Variants in RILPL1 observed in about 807,000 individuals in gnomAD.
RILPL1 encodes the protein Rab interacting lysosomal protein like 1.
A neutral mutation model predicts 50.3 loss-of-function variants in RILPL1; 33 were observed. The observed-to-expected ratio is 0.66, with a 90% CI of 0.50 to 0.88. The LOEUF is 0.88. RILPL1 is among the 40% of genes least tolerant of loss of function. The pLI is 0.00. For synonymous variants in RILPL1, 205 were observed against 228.6 expected (o/e 0.90, Z 0.93); for missense variants, 418 against 542.5 (o/e 0.77, Z 2.28).
At chr12:123,478,762 G>C (rs765838419) in intron 6 of RILPL1, among the ~76,000 whole-genome samples, 1 of 151,764 alleles carries the variant, frequency 6.6e-6, no homozygotes, top group Non-Finnish European at 1.5e-5. Context: ...CCTAGCCCCC[G>C]CCCTGCAAAA....
At chr12:123,488,499 G>A (rs1471268429) in intron 4 of RILPL1, among the ~76,000 whole-genome samples, 3 of 152,040 alleles carry the variant, frequency 2.0e-5, no homozygotes, top group Non-Finnish European at 2.9e-5. Context: ...GCAGCACAGG[G>A]AGAAGGGGAC....
chr12:123,499,995 G>C (rs1403366365), intron 2 of RILPL1, among the ~76,000 whole-genome samples: 3 of 149,644 alleles, frequency 2.0e-5, no homozygotes, highest in African/African-American at 7.4e-5. Context: ...GCAGTGGCGC[G>C]ATCTCGGCTC....
At chr12:123,482,407 G>A (rs1187249113) in intron 6 of RILPL1, among the ~76,000 whole-genome samples, 1 of 152,036 alleles carries the variant, frequency 6.6e-6, no homozygotes, top group Non-Finnish European at 1.5e-5. Flanking sequence ...AGGGAGTCGT[G>A]CACCAGCCTG....
chr12:123,524,373 C>CT (rs1885175054), intron 1 of RILPL1, among the ~76,000 whole-genome samples: 1 of 152,218 alleles, frequency 6.6e-6, no homozygotes, highest in Admixed American at 6.5e-5. Flanking sequence ...GGAAAACACT[C>CT]TGGCAGTTTC....
At chr12:123,488,461 A>G (rs559210284) in intron 4 of RILPL1, among the ~76,000 whole-genome samples, 286 of 151,616 alleles carry the variant, frequency 1.9e-3, no homozygotes, top group African/African-American at 6.0e-3. Flanking sequence ...AAAAAAAAAA[A>G]AAGAAGAAGA....
intron 4 of RILPL1, among the ~76,000 whole-genome samples, chr12:123,493,973 G>A (rs190975928): frequency 1.3e-5 from 2 of 151,868 alleles, no homozygotes; most frequent in South Asian, 2.1e-4. Context: ...TAGTAGAGAC[G>A]GGGGTTTCAT....
At chr12:123,476,117 C>T (rs552019228) in intron 6 of RILPL1, 1 of 167,368 alleles carries the variant, frequency 6.0e-6, no homozygotes, top group South Asian at 9.9e-5. Flanking sequence ...GTTGGCCAGG[C>T]TGGTCTTGAA....
At chr12:123,514,191 G>T (rs913832536) in intron 2 of RILPL1, 1 of 152,172 alleles carries the variant, frequency 6.6e-6, no homozygotes, top group Non-Finnish European at 1.5e-5. Flanking sequence ...ATGACGTGGG[G>T]TCTAAGATCA....
chr12:123,495,085 G>A (rs1314976169), intron 4 of RILPL1, among the ~76,000 whole-genome samples: 2 of 152,184 alleles, frequency 1.3e-5, no homozygotes, highest in Non-Finnish European at 2.9e-5. Context: ...TCTGGCCACA[G>A]TAGTTGTTTC....
In RILPL1 at chr12:123,498,419, T is replaced by C; in HGVS notation, c.801+125A>G. On this transcript the variant is annotated intron_variant, in intron 4 of 6. Coordinates refer to ENST00000376874, the MANE Select transcript of RILPL1 (RefSeq NM_178314.5). This position sits in a 1 kb window ranked among gnomAD's most constrained non-coding sequence, Gnocchi z 4.3. ...AAATGTTTGTAGAGAATTGGGGTCT[T>C]GCTATGTTGCCCAGGTTGGCCATTT... The C allele has an allele frequency of 1.3e-6, 1 of 773,938 alleles. No homozygotes were observed. Among genetic ancestry groups the C allele is most frequent in the Middle Eastern group, 3.6e-4 (1 of 2,768 alleles). The allele number at this position is 773,938 out of a possible 1,614,324, so 47.9% of individuals were successfully genotyped here. A position where few individuals can be genotyped will look rare whatever the true frequency, so the allele number is the denominator to read the frequency against.
rs1047757534 is a variant in RILPL1, at chr12:123,491,515, C to T, written c.802-5710G>A. Among the ~76,000 whole-genome samples, 4 of 152,182 alleles carry T rather than the reference C, an allele frequency of 2.6e-5. No homozygotes were observed. The highest frequency in any genetic ancestry group is 2.9e-5 in the Non-Finnish European group (2 of 68,016). Reference sequence around the variant, plus strand: ...TGCCTCAAAGCACCCTGCCCTCCCACGGCAGCCCCTTCACAGTACTTCTCA... The same window carrying T: ...TGCCTCAAAGCACCCTGCCCTCCCATGGCAGCCCCTTCACAGTACTTCTCA... On this transcript the variant is annotated intron_variant, in intron 4 of 6. Coordinates refer to ENST00000376874, the MANE Select transcript of RILPL1 (RefSeq NM_178314.5). The surrounding 1 kb of genome is among the most constrained non-coding windows in gnomAD (Gnocchi z 4.0).
intron 1 of RILPL1, among the ~76,000 whole-genome samples, chr12:123,529,810 G>C (rs1402044358): frequency 6.7e-6 from 1 of 150,026 alleles, no homozygotes; most frequent in East Asian, 2.0e-4. Context: ...GGTGTTCAGG[G>C]CTGCAGGGAG....
At position 123,518,330 on chromosome 12, in the gene RILPL1, C is replaced by T. The variant is rs916853850; in HGVS notation, c.460+5165G>A. ...ACCAGCCTGGGCAACATAGTGAGACCCCCGTCTCTACCAAAAAAATTTAAA... is the reference window on the plus strand; with the variant it reads ...ACCAGCCTGGGCAACATAGTGAGACTCCCGTCTCTACCAAAAAAATTTAAA... On this transcript the variant is annotated intron_variant, in intron 2 of 6. Coordinates refer to ENST00000376874, the MANE Select transcript of RILPL1 (RefSeq NM_178314.5). The T allele has an allele frequency of 1.4e-5, 6 of 425,218 alleles. No individual in the cohort carries two copies. The Admixed American group carries it at 1.6e-4, about 11-fold the overall frequency. 26.3% of individuals were successfully genotyped at this position (425,218 alleles called of 1,614,324 possible).
chr12:123,492,375 G>A (rs879258796), intron 4 of RILPL1, among the ~76,000 whole-genome samples: 3 of 152,102 alleles, frequency 2.0e-5, no homozygotes, highest in Non-Finnish European at 4.4e-5. Context: ...GCCATGTCCC[G>A]AACAGGTAAA....
At chr12:123,510,998 T>A (rs1454218181) in intron 2 of RILPL1, among the ~76,000 whole-genome samples, 2 of 148,210 alleles carry the variant, frequency 1.3e-5, no homozygotes, top group Admixed American at 1.3e-4. Flanking sequence ...GAGGTCTGTG[T>A]GTGTGGTGTG....
chr12:123,485,638 A>AT lies in RILPL1; in HGVS notation c.968dup (p.Tyr323Ter). Residue 323 changes from tyrosine (Y) to a stop codon, truncating the protein, a stop_gained and frameshift_variant, in exon 5 of 7, where the codon TAT (tyrosine) becomes TAAT (stop). Coordinates refer to ENST00000376874, the MANE Select transcript of RILPL1 (RefSeq NM_178314.5). LOFTEE classifies it high-confidence loss of function. This position sits in a 1 kb window ranked among gnomAD's most constrained non-coding sequence, Gnocchi z 4.0. ...CCAGCCCCAGGGACACTTGCCTCTT[A>AT]TAGTAAGCCAGCTCCTCCTGCAGCA... ...VFLLQEELAYYKSEEMEEENR... is the reference protein window; with the variant it reads ...VFLLQEELAY The AT allele has an allele frequency of 6.2e-7, 1 of 1,613,632 alleles. No individual in the cohort carries two copies. The highest frequency in any genetic ancestry group is 8.5e-7 in the Non-Finnish European group (1 of 1,179,726).
At chr12:123,527,916 C>G (rs925233308) in intron 1 of RILPL1, among the ~76,000 whole-genome samples, 22 of 152,148 alleles carry the variant, frequency 1.4e-4, no homozygotes. Flanking sequence ...AGGAGTGGAG[C>G]CTTCCCAACA....
At chr12:123,497,220 C>T (rs1008625587) in intron 4 of RILPL1, among the ~76,000 whole-genome samples, 3 of 152,102 alleles carry the variant, frequency 2.0e-5, no homozygotes, top group South Asian at 2.1e-4. Flanking sequence ...CACCTTTTGG[C>T]GACTGTGAAT....
intron 1 of RILPL1, among the ~76,000 whole-genome samples, chr12:123,529,873 C>CAAAA (rs35014721): frequency 0.53 from 68,398 of 128,940 alleles, 19,406 homozygotes; most frequent in East Asian, 0.88. Context: ...GTCCCTGACT[C>CAAAA]AAAAAAAAAA....
Sources: gnomAD v4.1 joint callset for allele counts (sites outside exome capture counted in the v4.1 genomes callset) on GRCh38, gnomAD v4.1.1 for gene constraint, Gnocchi (gnomAD v3.1) non-coding constraint, MANE v1.5 for transcripts, NCBI Gene and HGNC (gene_info 2026-07-23, HGNC 2026-07-21) for gene names.